The following MIB1 variants were observed in gnomAD, a reference collection of about 807,000 sequenced individuals.
MIB1 encodes the protein E3 ubiquitin-protein ligase MIB1.
In MIB1, 278 loss-of-function variants were observed where a neutral mutation model predicts 124.5. The ratio of observed to expected loss-of-function variants is 2.23; its 90% CI spans 2.02 to 2.47. MIB1 has a LOEUF of 2.47. MIB1 is among the 30% of genes most tolerant of loss of function. The pLI is 0.00. For synonymous variants in MIB1, 446 were observed against 429.4 expected (o/e 1.04, Z -0.48); for missense variants, 957 against 1,254.4 (o/e 0.76, Z 3.58).
intron 1 of MIB1, among the ~76,000 whole-genome samples, chr18:21,753,557 G>A (rs1352142941): frequency 1.3e-5 from 2 of 149,136 alleles, no homozygotes; most frequent in Non-Finnish European, 2.9e-5. Context: ...CAGTTTAATA[G>A]TAAGTCAAGT....
chr18:21,848,733 A>G (rs2042156245), intron 16 of MIB1, among the ~76,000 whole-genome samples: 1 of 152,142 alleles, frequency 6.6e-6, no homozygotes, highest in African/African-American at 2.4e-5. Flanking sequence ...ACAGCAGCTG[A>G]AGTGTTAAAT....
intron 6 of MIB1, among the ~76,000 whole-genome samples, chr18:21,779,901 GTA>G (rs2041339327): frequency 6.6e-6 from 1 of 151,654 alleles, no homozygotes; most frequent in Non-Finnish European, 1.5e-5. Context: ...TCTTGTGTGT[GTA>G]TGTGAATTTA....
intron 1 of MIB1, among the ~76,000 whole-genome samples, chr18:21,727,961 G>C (rs1046647580): frequency 1.3e-5 from 2 of 152,214 alleles, no homozygotes; most frequent in Admixed American, 6.5e-5. Flanking sequence ...TTGTGAGACT[G>C]TGAGCAGAGA....
chr18:21,815,124 A>G (rs991267766), intron 10 of MIB1, among the ~76,000 whole-genome samples: 1 of 145,100 alleles, frequency 6.9e-6, no homozygotes, highest in Admixed American at 7.0e-5. Context: ...TAAGTTTATC[A>G]TTTATCTTTG....
chr18:21,851,464 TACCCA>T, intron 17 of MIB1, among the ~76,000 whole-genome samples: 1 of 152,188 alleles, frequency 6.6e-6, no homozygotes, highest in Non-Finnish European at 1.5e-5. Context: ...ACTACGGATA[TACCCA>T]CCCAACAGAT....
upstream of MIB1, among the ~76,000 whole-genome samples, chr18:21,738,543 C>T (rs1471236194): frequency 2.0e-5 from 3 of 151,934 alleles, no homozygotes; most frequent in Admixed American, 2.0e-4. Flanking sequence ...CACGGTGGCT[C>T]ACGCCTGTAA....
At chr18:21,786,492 T>C (rs1331424941) in intron 6 of MIB1, among the ~76,000 whole-genome samples, 1 of 152,214 alleles carries the variant, frequency 6.6e-6, no homozygotes, top group African/African-American at 2.4e-5. Flanking sequence ...TTTATCTTTC[T>C]CTAGATTTGG....
In MIB1 at chr18:21,779,558, G is replaced by T; in HGVS notation, c.781G>T (p.Val261Leu). 1 of 1,614,064 alleles carries T rather than the reference G, an allele frequency of 6.2e-7. No homozygotes were observed. The highest frequency in any genetic ancestry group is 8.5e-7 in the Non-Finnish European group (1 of 1,179,974). Residue 261 changes from valine (V) to leucine (L), a missense_variant, in exon 6 of 21, where the codon GTA becomes TTA. Transcript: ENST00000261537. ...AAATATAGATCTCGACCTCGAAATT[G>T]TACAGTCTTTGCAGCATGGTCATGG... ...LVNIDLDLEIVQSLQHGHGGW... is the reference protein window; with the variant it reads ...LVNIDLDLEILQSLQHGHGGW...
At chr18:21,754,156 G>T (rs956786626) in intron 1 of MIB1, among the ~76,000 whole-genome samples, 1 of 152,216 alleles carries the variant, frequency 6.6e-6, no homozygotes, top group African/African-American at 2.4e-5. Context: ...TTGGGGATCT[G>T]ACTTGCTCTT....
chr18:21,730,950 C>A (rs2040766560), intron 1 of MIB1, among the ~76,000 whole-genome samples: 1 of 152,210 alleles, frequency 6.6e-6, no homozygotes, highest in Non-Finnish European at 1.5e-5. Context: ...CTTTCCCCCT[C>A]TTTTGCCAAT....
At chr18:21,758,475 G>A (rs1008628775) in intron 1 of MIB1, among the ~76,000 whole-genome samples, 1 of 151,950 alleles carries the variant, frequency 6.6e-6, no homozygotes, top group Non-Finnish European at 1.5e-5. Flanking sequence ...TTCTTGGTTT[G>A]TTGAATGACA....
At chr18:21,735,861 A>T (rs1324062705), upstream of MIB1, among the ~76,000 whole-genome samples, 2 of 152,222 alleles carry the variant, frequency 1.3e-5, no homozygotes, top group African/African-American at 4.8e-5. Flanking sequence ...TCTGAAAAAA[A>T]GGCAGCAGCC....
intron 20 of MIB1, among the ~76,000 whole-genome samples, chr18:21,859,437 A>G (rs1196347846): frequency 6.6e-6 from 1 of 151,002 alleles, no homozygotes; most frequent in Non-Finnish European, 1.5e-5. Context: ...TTGGTAAGAG[A>G]TGGCTGGGAA....
chr18:21,870,299 C>T lies in MIB1; in HGVS notation c.*5633C>T, dbSNP rs2042346303. ...CCTGTTATTGTTAAAAAGGAAATTA[C>T]CATGCCTTTAAGAAACAAGGATGTA... is the stretch of plus-strand genomic sequence containing the variant. On this transcript the variant is annotated 3_prime_UTR_variant, in exon 21 of 21. Transcript: ENST00000261537. 6.6e-6 allele frequency: 1 copy of T among 152,320 alleles called. No homozygotes were observed. The highest frequency in any genetic ancestry group is 3.4e-3 in the Middle Eastern group (1 of 294). 9.4% of individuals were successfully genotyped at this position (152,320 alleles called of 1,614,324 possible).
chr18:21,769,330 A>G (rs1030267086), intron 3 of MIB1, among the ~76,000 whole-genome samples: 30 of 152,310 alleles, frequency 2.0e-4, no homozygotes, highest in African/African-American at 7.2e-4. Context: ...TACATAGTCC[A>G]AATAAGCCAA....
chr18:21,731,689 G>A (rs959725854), intron 1 of MIB1, among the ~76,000 whole-genome samples: 7 of 133,176 alleles, frequency 5.3e-5, no homozygotes, highest in Non-Finnish European at 1.1e-4. Flanking sequence ...CCGAGATTGC[G>A]CCACCGCACT....
chr18:21,729,940 C>T (rs1278519149), intron 1 of MIB1, among the ~76,000 whole-genome samples: 1 of 152,162 alleles, frequency 6.6e-6, no homozygotes, highest in Non-Finnish European at 1.5e-5. Flanking sequence ...AATCTATGTG[C>T]CTTGCTCTTG....
chr18:21,741,820 G>T lies in MIB1; in HGVS notation c.229+8G>T. 1.3e-6 allele frequency: 2 copies of T among 1,584,998 alleles called. No homozygotes were observed. The highest frequency in any genetic ancestry group is 1.7e-6 in the Non-Finnish European group (2 of 1,166,490). ...TGGACAGCGCGCCCACCGGTAAGCCGCGGCCACCTGGCCAGGGCTTGCGCG... is the reference window on the plus strand; with the variant it reads ...TGGACAGCGCGCCCACCGGTAAGCCTCGGCCACCTGGCCAGGGCTTGCGCG... On this transcript the variant is annotated splice_region_variant and intron_variant, in intron 1 of 20. Transcript: ENST00000261537. The surrounding 1 kb of genome is among the most constrained non-coding windows in gnomAD (Gnocchi z 5.4).
At chr18:21,786,458 A>G (rs1318289824) in intron 6 of MIB1, among the ~76,000 whole-genome samples, 3 of 152,010 alleles carry the variant, frequency 2.0e-5, no homozygotes, top group African/African-American at 7.2e-5. Context: ...GTACATTGAT[A>G]TTTATTTTTT....
Sources: gnomAD v4.1 joint callset for allele counts (sites outside exome capture counted in the v4.1 genomes callset) on GRCh38, gnomAD v4.1.1 for gene constraint, Gnocchi (gnomAD v3.1) non-coding constraint, MANE v1.5 for transcripts, NCBI Gene and HGNC (gene_info 2026-07-23, HGNC 2026-07-21) for gene names.